The following ATP1A3 variants were observed in gnomAD, a reference collection of about 807,000 sequenced individuals.
ATP1A3 encodes ATPase Na+/K+ transporting subunit alpha 3.
ATP1A3 carries 12 observed loss-of-function variants against 108.8 expected under a neutral mutation model. The observed-to-expected ratio is 0.11, with a 90% CI of 0.07 to 0.18. The LOEUF is 0.18. Ranked by LOEUF, ATP1A3 falls within the 10% of genes least tolerant of loss-of-function variation. ATP1A3 has a pLI of 1.00. For synonymous variants in ATP1A3, 539 were observed against 564.5 expected, an observed-to-expected ratio of 0.95 and a Z score of 0.64; for missense variants, 498 against 1,387.7, an observed-to-expected ratio of 0.36 and a Z score of 10.19.
At chr19:41,983,702 G>A (rs930391236) in intron 8 of ATP1A3, among the ~76,000 whole-genome samples, 39 of 148,142 alleles carry the variant, frequency 2.6e-4, no homozygotes, top group South Asian at 2.1e-3. Flanking sequence ...TCAACCTCCC[G>A]GGTCAGCCTC....
At chr19:41,993,800 C>T (rs1310428377) in intron 1 of ATP1A3, 10 of 640,008 alleles carry the variant, frequency 1.6e-5, no homozygotes, top group Admixed American at 3.0e-5. Context: ...TGTGCACATG[C>T]AACCGCACAA....
rs140057428 is a variant in ATP1A3, at chr19:41,974,966, A to G, written c.2263+663T>C. On this transcript the variant is annotated intron_variant, in intron 16 of 22. Coordinates refer to ENST00000648268, the MANE Select transcript of ATP1A3 (RefSeq NM_152296.5). Reference sequence around the variant, plus strand: ...TGACTTGGCTCAGCCATCCCTGTCCACTCTGGGAAGCTCCCTTGACCCCCA... The same window carrying G: ...TGACTTGGCTCAGCCATCCCTGTCCGCTCTGGGAAGCTCCCTTGACCCCCA... 1.0e-3 allele frequency among the ~76,000 whole-genome samples: 156 copies of G among 151,180 alleles called. 1 individual carries two copies. In the Middle Eastern group the frequency reaches 0.024, roughly 23 times the overall value.
chr19:41,993,899 G>A, intron 1 of ATP1A3, 172 bp downstream of exon 1: 2 of 1,230,506 alleles, frequency 1.6e-6, no homozygotes, highest in South Asian at 1.4e-5. Flanking sequence ...ACCCCCCGCC[G>A]CCCCCTGCGG....
intron 8 of ATP1A3, among the ~76,000 whole-genome samples, 174 bp from the exon 9 acceptor site, chr19:41,982,280 G>A (rs2075241324): frequency 2.0e-5 from 3 of 152,118 alleles, no homozygotes; most frequent in South Asian, 2.1e-4. Context: ...TAGAAACAGG[G>A]CAGAGACACC....
At chr19:41,970,356 C>T (rs1416786441) in intron 17 of ATP1A3, 32 bp downstream of exon 17, 1 of 1,613,814 alleles carries the variant, frequency 6.2e-7, no homozygotes, top group Non-Finnish European at 8.5e-7. Context: ...ACTCCACCCT[C>T]CTGGGCCCCA....
intron 16 of ATP1A3, 129 bp from the exon 17 acceptor site, chr19:41,970,671 G>A (rs1246659971): frequency 1.1e-5 from 12 of 1,137,248 alleles, no homozygotes; most frequent in African/African-American, 1.8e-5. Context: ...TCGCTGTGTT[G>A]CCCAGGCTGG....
intron 1 of ATP1A3, chr19:41,993,406 T>A (rs2075358383): frequency 2.0e-6 from 3 of 1,535,274 alleles, no homozygotes; most frequent in Non-Finnish European, 2.6e-6. Flanking sequence ...GGCTCTCCTG[T>A]TCCTCTCCTC....
chr19:41,981,101 A>G lies in ATP1A3; in HGVS notation c.1437+401T>C, dbSNP rs1233125104. On this transcript the variant is annotated intron_variant, in intron 11 of 22. Coordinates refer to ENST00000648268, the MANE Select transcript of ATP1A3 (RefSeq NM_152296.5). The surrounding 1 kb of genome is among the most constrained non-coding windows in gnomAD (Gnocchi z 5.0). ...AGCCCCAACCTCCCCGGCTCAGGCA[A>G]TCCTCCTGCCTCAGACTCCCAAATC... 6.6e-6 allele frequency among the ~76,000 whole-genome samples: 1 copy of G among 150,964 alleles called. No homozygotes were observed. Among genetic ancestry groups the G allele is most frequent in the African/African-American group, 2.4e-5 (1 of 41,014 alleles).
rs538549825 is a variant in ATP1A3, at chr19:41,981,159, G to C, written c.1437+343C>G. ...CCACAGGCACATACCACCACACCTG[G>C]CTAATTAAAAAAAAAATTTCGTACA... On this transcript the variant is annotated intron_variant, in intron 11 of 22. Coordinates refer to ENST00000648268, the MANE Select transcript of ATP1A3 (RefSeq NM_152296.5). The surrounding 1 kb of genome is among the most constrained non-coding windows in gnomAD (Gnocchi z 5.0). Among the ~76,000 whole-genome samples the C allele has an allele frequency of 1.6e-3, 242 of 151,388 alleles. No homozygotes were observed. Among genetic ancestry groups the C allele is most frequent in the African/African-American group, 5.7e-3 (234 of 41,248 alleles).
At chr19:41,979,126 C>T (rs782098043) in intron 11 of ATP1A3, among the ~76,000 whole-genome samples, 72 of 152,030 alleles carry the variant, frequency 4.7e-4, no homozygotes, top group Non-Finnish European at 7.4e-4. Context: ...CCTCAGCCTC[C>T]GGAGTAGCTT....
At chr19:41,987,858 G>C (rs1346826711) in intron 4 of ATP1A3, 78 bp downstream of exon 4, 2 of 1,539,294 alleles carry the variant, frequency 1.3e-6, no homozygotes, top group East Asian at 2.2e-5. Flanking sequence ...AAAGCTTAGA[G>C]GGATGGGAAG....
At chr19:41,991,989 A>G (rs1175076529) in intron 1 of ATP1A3, among the ~76,000 whole-genome samples, 1 of 111,274 alleles carries the variant, frequency 9.0e-6, no homozygotes, top group Non-Finnish European at 1.8e-5. Context: ...TGGGGCCTGG[A>G]CTCCTGGATC....
Position 41,981,921 on chromosome 19 carries a change from A to G in ATP1A3, c.1179T>C (p.Thr393=). 1 of 1,614,220 alleles carries G rather than the reference A, an allele frequency of 6.2e-7. No individual in the cohort carries two copies. Among genetic ancestry groups the G allele is most frequent in the Non-Finnish European group, 8.5e-7 (1 of 1,180,042 alleles). ...GCCTGCGCTCACCTGACTGGTCCTC[A>G]GTGGTGTCAGCCTCGTGGATCTGGT... ...FDNQIHEADT[T]EDQSGTSFDK... Residue 393 remains threonine, a synonymous_variant, in exon 9 of 23, where the codon ACT becomes ACC. Coordinates refer to ENST00000648268, the MANE Select transcript of ATP1A3 (RefSeq NM_152296.5). This position sits in a 1 kb window ranked among gnomAD's most constrained non-coding sequence, Gnocchi z 5.0.
In ATP1A3 at chr19:41,966,927, G is replaced by C. The variant is rs1555858717; in HGVS notation, c.*10C>G. 1.9e-6 allele frequency: 3 copies of C among 1,551,484 alleles called. No homozygotes were observed. Among genetic ancestry groups the C allele is most frequent in the Non-Finnish European group, 1.7e-6 (2 of 1,146,982 alleles). On this transcript the variant is annotated 3_prime_UTR_variant, in exon 23 of 23. Transcript: ENST00000648268. ...ACGGGGAAGAGATGGGCGATGTGGT[G>C]GGGCTGAGGTCAGTAGTAGGTTTCC...
At chr19:41,993,875 A>G in intron 1 of ATP1A3, 196 bp downstream of exon 1, 2 of 1,001,946 alleles carry the variant, frequency 2.0e-6, no homozygotes, top group South Asian at 3.3e-5. Context: ...AAGCCATGCC[A>G]ACGTGCGCCA....
At position 41,978,941 on chromosome 19, in the gene ATP1A3, G is replaced by A; in HGVS notation, c.1438-143C>T. 1.5e-6 allele frequency: 1 copy of A among 679,642 alleles called. No individual in the cohort carries two copies. Among genetic ancestry groups the A allele is most frequent in the East Asian group, 2.7e-5 (1 of 37,110 alleles). The allele number at this position is 679,642 out of a possible 1,614,324, so 42.1% of individuals were successfully genotyped here. Reference sequence around the variant, plus strand: ...CCCACACTCTCTCACAGAGACCTCTGCTCATTCCTGTCCGCTCTGTCTATG... The same window carrying A: ...CCCACACTCTCTCACAGAGACCTCTACTCATTCCTGTCCGCTCTGTCTATG... On this transcript the variant is annotated intron_variant, in intron 11 of 22. Transcript: ENST00000648268. The surrounding 1 kb of genome is among the most constrained non-coding windows in gnomAD (Gnocchi z 8.3).
intron 1 of ATP1A3, chr19:41,992,971 G>C: frequency 5.3e-6 from 1 of 188,042 alleles, no homozygotes; most frequent in Non-Finnish European, 1.1e-5. Context: ...CTCTCCCCTA[G>C]TCCTGCCCCA....
chr19:41,989,054 C>T (rs1409366840), intron 1 of ATP1A3, among the ~76,000 whole-genome samples: 4 of 152,144 alleles, frequency 2.6e-5, no homozygotes, highest in Non-Finnish European at 5.9e-5. Flanking sequence ...ATCCTCCCGC[C>T]TCCGCCTCCT....
chr19:41,982,608 A>G (rs552948003), intron 8 of ATP1A3, among the ~76,000 whole-genome samples: 1 of 152,104 alleles, frequency 6.6e-6, no homozygotes, highest in East Asian at 1.9e-4. Flanking sequence ...CCTGGGCAAC[A>G]GAGTGAGACT....
Sources: allele counts gnomAD v4.1 joint callset (sites outside exome capture counted in the v4.1 genomes callset), GRCh38; gene constraint gnomAD v4.1.1; non-coding constraint Gnocchi (gnomAD v3.1); transcripts MANE v1.5; gene names NCBI Gene and HGNC (gene_info 2026-07-23, HGNC 2026-07-21).